The following UBE2L6 variants were observed in gnomAD, a reference collection of about 807,000 sequenced individuals.
UBE2L6 encodes ubiquitin/ISG15-conjugating enzyme E2 L6.
A neutral mutation model predicts 13.6 loss-of-function variants in UBE2L6; 11 were observed. That is an observed-to-expected ratio of 0.81 (90% confidence interval 0.51 to 1.34). The LOEUF (loss-of-function observed/expected upper bound fraction) is 1.34. Among genes scored for constraint, UBE2L6 ranks in the 40% most tolerant of loss-of-function variants. The pLI is 0.00. For synonymous variants in UBE2L6, 74 were observed against 83.2 expected, an observed-to-expected ratio of 0.89 and a Z score of 0.60; for missense variants, 197 against 199.5, an observed-to-expected ratio of 0.99 and a Z score of 0.07.
Position 57,554,606 on chromosome 11 carries a change from G to A in UBE2L6, c.141C>T (p.His47=), listed in dbSNP as rs762143062. Residue 47 remains histidine, a synonymous_variant, in exon 3 of 4, where the codon CAC becomes CAT. Coordinates refer to ENST00000287156, the MANE Select transcript of UBE2L6 (RefSeq NM_004223.5). ...ALLLPDQPPY[H]LKAFNLRISF... is the part of the protein sequence containing the mutation. ...TGATGCGCAGGTTGAAGGCTTTCAGGTGGTAGGGAGGTTGGTCCTGTGCAG... is the reference window on the plus strand; with the variant it reads ...TGATGCGCAGGTTGAAGGCTTTCAGATGGTAGGGAGGTTGGTCCTGTGCAG... The A allele has an allele frequency of 6.2e-7, 1 of 1,614,152 alleles. No individual in the cohort carries two copies. Among genetic ancestry groups the A allele is most frequent in the Non-Finnish European group, 8.5e-7 (1 of 1,180,026 alleles).
At chr11:57,556,552 C>G (rs1025338593) in intron 2 of UBE2L6, among the ~76,000 whole-genome samples, 1 of 131,676 alleles carries the variant, frequency 7.6e-6, no homozygotes, top group African/African-American at 3.0e-5. Flanking sequence ...AGATCACACC[C>G]TTGCACTCCA....
intron 1 of UBE2L6, among the ~76,000 whole-genome samples, chr11:57,562,853 C>T (rs1279191517): frequency 6.6e-6 from 1 of 152,140 alleles, no homozygotes; most frequent in African/African-American, 2.4e-5. Flanking sequence ...TCCAATACCT[C>T]GAAAGCCTTC....
chr11:57,560,452 G>A lies in UBE2L6; in HGVS notation c.28-20C>T. 1 of 1,582,196 alleles carries A rather than the reference G, an allele frequency of 6.3e-7. No individual in the cohort carries two copies. Among genetic ancestry groups the A allele is most frequent in the Non-Finnish European group, 8.7e-7 (1 of 1,152,432 alleles). On this transcript the variant is annotated intron_variant, in intron 1 of 3. Transcript: ENST00000287156. ...CAGCTCCTGCAGGGGACACAAGTGA[G>A]TGGGCAGTTGGCCTAGTCCTCCTTA...
intron 2 of UBE2L6, among the ~76,000 whole-genome samples, chr11:57,556,497 G>A (rs1047847983): frequency 2.7e-5 from 4 of 147,860 alleles, no homozygotes; most frequent in African/African-American, 7.5e-5. Flanking sequence ...GGCAAGAACC[G>A]AGAGGCAGAA....
At chr11:57,554,296 A>C in intron 3 of UBE2L6, 141 bp downstream of exon 3, 2 of 948,960 alleles carry the variant, frequency 2.1e-6, no homozygotes, top group Non-Finnish European at 3.1e-6. Flanking sequence ...CATCCCTTCT[A>C]TCTCATAGTA....
intron 3 of UBE2L6, among the ~76,000 whole-genome samples, chr11:57,553,356 T>C (rs766245286): frequency 1.3e-5 from 2 of 152,068 alleles, no homozygotes; most frequent in Admixed American, 6.5e-5. Context: ...TAGCCAGGTA[T>C]AGTGGCATGC....
chr11:57,559,769 G>A (rs1030709821), intron 2 of UBE2L6, among the ~76,000 whole-genome samples: 3 of 151,954 alleles, frequency 2.0e-5, no homozygotes, highest in Non-Finnish European at 4.4e-5. Flanking sequence ...ACTAATAATC[G>A]GATGAAAAAA....
chr11:57,555,399 C>G (rs1339288569), intron 2 of UBE2L6, among the ~76,000 whole-genome samples: 1 of 152,150 alleles, frequency 6.6e-6, no homozygotes, highest in Admixed American at 6.6e-5. Flanking sequence ...GACAGATTTG[C>G]AAGATACCAC....
intron 2 of UBE2L6, among the ~76,000 whole-genome samples, chr11:57,557,274 GCTCT>G (rs1048208675): frequency 1.3e-5 from 2 of 151,550 alleles, no homozygotes; most frequent in African/African-American, 2.4e-5. Flanking sequence ...GCACCTGCTC[GCTCT>G]CTCTCTCTTT....
chr11:57,567,833 C>T (rs1321414845), upstream of UBE2L6: 3 of 492,946 alleles, frequency 6.1e-6, no homozygotes, highest in Admixed American at 8.6e-5. Context: ...GCGGAAGGCT[C>T]GGACCCGGGA....
chr11:57,554,003 T>C (rs1308975628), intron 3 of UBE2L6, among the ~76,000 whole-genome samples: 1 of 152,062 alleles, frequency 6.6e-6, no homozygotes, highest in Admixed American at 6.6e-5. Flanking sequence ...GAAATAAAAA[T>C]GAAGTCGGCA....
intron 2 of UBE2L6, among the ~76,000 whole-genome samples, chr11:57,559,376 C>T (rs1313343203): frequency 1.3e-5 from 2 of 152,104 alleles, no homozygotes; most frequent in Non-Finnish European, 2.9e-5. Context: ...TTTAGGAGGC[C>T]GAGGTGGGCA....
intron 1 of UBE2L6, among the ~76,000 whole-genome samples, chr11:57,565,738 A>T (rs1184258333): frequency 1.3e-5 from 2 of 152,172 alleles, no homozygotes; most frequent in Non-Finnish European, 2.9e-5. Context: ...ATAACAGGTT[A>T]TAAGATATTA....
At chr11:57,560,189 A>G (rs572039686) in intron 2 of UBE2L6, 148 bp downstream of exon 2, 59 of 678,164 alleles carry the variant, frequency 8.7e-5, no homozygotes, top group African/African-American at 8.0e-4. Flanking sequence ...GAAGCAATCA[A>G]TTCAGAGAGA....
chr11:57,562,103 G>A (rs76572824), intron 1 of UBE2L6, among the ~76,000 whole-genome samples: 5 of 152,256 alleles, frequency 3.3e-5, no homozygotes, highest in Admixed American at 3.3e-4. Flanking sequence ...CCTGCAGGGT[G>A]AGTCTCAGGC....
chr11:57,552,985 T>C (rs1030774005), intron 3 of UBE2L6, among the ~76,000 whole-genome samples: 4 of 152,144 alleles, frequency 2.6e-5, no homozygotes, highest in African/African-American at 7.2e-5. Flanking sequence ...CACATCCACA[T>C]GCAAAACAGA....
chr11:57,555,977 C>G (rs1456644163), intron 2 of UBE2L6, among the ~76,000 whole-genome samples: 1 of 152,136 alleles, frequency 6.6e-6, no homozygotes, highest in Non-Finnish European at 1.5e-5. Flanking sequence ...CAAACAAACT[C>G]AGGGGCTGGA....
At chr11:57,567,479 G>A in intron 1 of UBE2L6, 106 bp downstream of exon 1, 1 of 1,492,000 alleles carries the variant, frequency 6.7e-7, no homozygotes, top group Non-Finnish European at 9.2e-7. Flanking sequence ...CTGGTGCCCA[G>A]ACAAATAAAT....
intron 1 of UBE2L6, among the ~76,000 whole-genome samples, chr11:57,562,512 G>A (rs1945055121): frequency 6.6e-6 from 1 of 152,204 alleles, no homozygotes; most frequent in African/African-American, 2.4e-5. Flanking sequence ...ATTACAGCGG[G>A]CCTTGAGCAA....
Sources: allele counts gnomAD v4.1 joint callset (sites outside exome capture counted in the v4.1 genomes callset), GRCh38; gene constraint gnomAD v4.1.1; transcripts MANE v1.5; gene names NCBI Gene and HGNC (gene_info 2026-07-23, HGNC 2026-07-21).